The following CYTH1 variants were observed in gnomAD, a reference collection of about 807,000 sequenced individuals.
The protein encoded by CYTH1 is cytohesin 1.
A neutral mutation model predicts 61.8 loss-of-function variants in CYTH1; 18 were observed. The ratio of observed to expected loss-of-function variants is 0.29; its 90% CI spans 0.20 to 0.43. The LOEUF is 0.43. Ranked by LOEUF, CYTH1 falls within the 20% of genes least tolerant of loss-of-function variation. The probability of loss-of-function intolerance (pLI) is 1.00; values close to 1 mark genes in which losing one functional copy is unlikely to be tolerated. For synonymous variants in CYTH1, 174 were observed against 184.3 expected, an observed-to-expected ratio of 0.94 and a Z score of 0.45; for missense variants, 336 against 510.5, an observed-to-expected ratio of 0.66 and a Z score of 3.29.
chr17:78,762,973 A>C (rs1259846789), intron 1 of CYTH1, among the ~76,000 whole-genome samples: 2 of 152,170 alleles, frequency 1.3e-5, no homozygotes, highest in African/African-American at 4.8e-5. Context: ...ATTTGTGATA[A>C]TTTGTTATGG....
At chr17:78,693,127 A>C (rs1401747276) in intron 10 of CYTH1, among the ~76,000 whole-genome samples, 1 of 152,148 alleles carries the variant, frequency 6.6e-6, no homozygotes, top group Non-Finnish European at 1.5e-5. Context: ...GGTGAGAATC[A>C]AAGCAGAATT....
At chr17:78,685,393 G>A (rs2092806555) in intron 11 of CYTH1, among the ~76,000 whole-genome samples, 1 of 151,634 alleles carries the variant, frequency 6.6e-6, no homozygotes, top group African/African-American at 2.4e-5. Context: ...AACATTCATG[G>A]TACGTCCTGC....
chr17:78,748,933 G>A (rs1389714251), intron 1 of CYTH1, among the ~76,000 whole-genome samples: 1 of 152,138 alleles, frequency 6.6e-6, no homozygotes, highest in East Asian at 1.9e-4. Flanking sequence ...CTGACACAGA[G>A]CAAACTGAAC....
rs368506364 is a variant in CYTH1, at chr17:78,748,312, C to T, written c.22+33890G>A. Among the ~76,000 whole-genome samples, 51 of 152,286 alleles carry T rather than the reference C, an allele frequency of 3.3e-4. No individual in the cohort carries two copies. The East Asian group carries it at 4.6e-3, about 14-fold the overall frequency. Reference sequence around the variant, plus strand: ...CACTGAGTAGTCATGCCAGGTGTCCCGTCAGCTGGTGTAAGTATTGATCAT... The same window carrying T: ...CACTGAGTAGTCATGCCAGGTGTCCTGTCAGCTGGTGTAAGTATTGATCAT... On this transcript the variant is annotated intron_variant, in intron 1 of 13. Transcript: ENST00000446868.
At chr17:78,676,269 AC>A in intron 13 of CYTH1, 100 bp from the exon 14 acceptor site, 1 of 1,115,074 alleles carries the variant, frequency 9.0e-7, no homozygotes, top group South Asian at 1.4e-5. Context: ...GCCCCAGAAC[AC>A]CTGTCCCACC....
chr17:78,776,519 C>T (rs934498986), intron 1 of CYTH1, among the ~76,000 whole-genome samples: 3 of 151,658 alleles, frequency 2.0e-5, no homozygotes, highest in African/African-American at 7.3e-5. Context: ...ATTAGCTGAG[C>T]GTGGTAGCAC....
intron 1 of CYTH1, among the ~76,000 whole-genome samples, chr17:78,760,397 A>G (rs2093418495): frequency 4.8e-5 from 2 of 41,674 alleles, no homozygotes; most frequent in South Asian, 1.5e-3. Flanking sequence ...ACACACATAC[A>G]TATATATATG....
intron 1 of CYTH1, among the ~76,000 whole-genome samples, chr17:78,767,064 G>T (rs1048985284): frequency 1.1e-4 from 17 of 152,210 alleles, no homozygotes; most frequent in Non-Finnish European, 2.2e-4. Context: ...AACTTCATGT[G>T]CAGCAAGCAG....
chr17:78,676,230 C>A, intron 13 of CYTH1, 61 bp from the exon 14 acceptor site: 1 of 1,533,920 alleles, frequency 6.5e-7, no homozygotes, highest in South Asian at 1.2e-5. Flanking sequence ...GAAACACACC[C>A]AGGCAGGGGA....
At position 78,698,991 on chromosome 17, in the gene CYTH1, G is replaced by A. The variant is rs200100646; in HGVS notation, c.551-23C>T. ...TATCTAAAGATGAGAGAAAAGCAAAGGGGAGCCGTTGCATGCTCAGATGTT... is the reference window on the plus strand; with the variant it reads ...TATCTAAAGATGAGAGAAAAGCAAAAGGGAGCCGTTGCATGCTCAGATGTT... On this transcript the variant is annotated intron_variant, in intron 7 of 13. Transcript: ENST00000446868. 6.2e-6 allele frequency: 10 copies of A among 1,606,628 alleles called. No individual in the cohort carries two copies. In the East Asian group the frequency reaches 2.0e-4, roughly 33 times the overall value.
intron 3 of CYTH1, among the ~76,000 whole-genome samples, chr17:78,707,330 C>T (rs553473096): frequency 6.6e-6 from 1 of 152,094 alleles, no homozygotes; most frequent in African/African-American, 2.4e-5. Context: ...AGTCAGAAAA[C>T]GGTCTGGGAA....
At position 78,732,826 on chromosome 17, in the gene CYTH1, C is replaced by G. The variant is rs933006705; in HGVS notation, c.23-23094G>C. Among the ~76,000 whole-genome samples, 16 of 152,182 alleles carry G rather than the reference C, an allele frequency of 1.1e-4. No homozygotes were observed. The South Asian group carries it at 3.3e-3, about 32-fold the overall frequency. ...GATAACCACCGGGCGCGGTGGCTCC[C>G]GCCTGTAATCCCAGCACTGTGGGAG... On this transcript the variant is annotated intron_variant, in intron 1 of 13. Transcript: ENST00000446868.
rs536602797 is a variant in CYTH1, at chr17:78,743,315, G to A, written c.23-33583C>T. 1.5e-4 allele frequency among the ~76,000 whole-genome samples: 23 copies of A among 152,134 alleles called. No homozygotes were observed. In the East Asian group the frequency reaches 3.1e-3, roughly 20 times the overall value. On this transcript the variant is annotated intron_variant, in intron 1 of 13. Transcript: ENST00000446868. ...CACCAGCCCCTCCTTCTCTGTTCTCGTCCACAGTACACCAGACTCCACACT... is the reference window on the plus strand; with the variant it reads ...CACCAGCCCCTCCTTCTCTGTTCTCATCCACAGTACACCAGACTCCACACT...
At chr17:78,725,464 C>T (rs959332696) in intron 1 of CYTH1, among the ~76,000 whole-genome samples, 2 of 152,204 alleles carry the variant, frequency 1.3e-5, no homozygotes, top group Non-Finnish European at 2.9e-5. Context: ...TCTCATAGCA[C>T]TTTTCATAGT....
intron 1 of CYTH1, among the ~76,000 whole-genome samples, chr17:78,774,472 T>C (rs193035065): frequency 1.4e-4 from 22 of 152,292 alleles, no homozygotes; most frequent in African/African-American, 4.6e-4. Flanking sequence ...CTGTTTGAAA[T>C]GGAGAGTTGA....
chr17:78,719,917 A>C (rs1440074458), intron 1 of CYTH1, among the ~76,000 whole-genome samples: 1 of 152,220 alleles, frequency 6.6e-6, no homozygotes, highest in Non-Finnish European at 1.5e-5. Flanking sequence ...TACTTTTCAA[A>C]CTTAGTACCT....
At chr17:78,744,759 G>C (rs567798143) in intron 1 of CYTH1, among the ~76,000 whole-genome samples, 1 of 149,876 alleles carries the variant, frequency 6.7e-6, no homozygotes, top group African/African-American at 2.5e-5. Context: ...TGGGATTTCT[G>C]ATCACATTTG....
At chr17:78,678,758 G>A (rs1459281649) in intron 13 of CYTH1, among the ~76,000 whole-genome samples, 1 of 152,094 alleles carries the variant, frequency 6.6e-6, no homozygotes, top group African/African-American at 2.4e-5. Context: ...GTCATGCCAG[G>A]GAAGCTGCCA....
intron 3 of CYTH1, among the ~76,000 whole-genome samples, chr17:78,704,860 G>C (rs2093049229): frequency 6.6e-6 from 1 of 152,158 alleles, no homozygotes. Flanking sequence ...AAAACTGTGA[G>C]TAGTATCAGA....
Sources: gnomAD v4.1 joint callset for allele counts (sites outside exome capture counted in the v4.1 genomes callset) on GRCh38, gnomAD v4.1.1 for gene constraint, MANE v1.5 for transcripts, NCBI Gene and HGNC (gene_info 2026-07-23, HGNC 2026-07-21) for gene names.